Variants in CHD1L observed in about 807,000 individuals in gnomAD.
The protein encoded by CHD1L is ATP-dependent chromatin remodeler CHD1L.
A neutral mutation model predicts 115.9 loss-of-function variants in CHD1L; 118 were observed. The ratio of observed to expected loss-of-function variants is 1.02; its 90% CI spans 0.88 to 1.19. CHD1L has a LOEUF of 1.19. Ranked by LOEUF, CHD1L falls within the 50% of genes most tolerant of loss-of-function variation. The pLI, the probability that CHD1L is intolerant of heterozygous loss-of-function variation, is 0.00. For synonymous variants in CHD1L, 411 were observed against 387.1 expected (o/e 1.06, Z -0.72); for missense variants, 1,179 against 1,065.3 (o/e 1.11, Z -1.49).
the CHD1L span, chr1:147,212,589 T>TGA: frequency 6.6e-7 from 1 of 1,526,586 alleles, no homozygotes; most frequent in Non-Finnish European, 8.9e-7. Flanking sequence ...ATAGATATCA[T>TGA]TTGTCAAGTC....
chr1:147,258,429 A>C (rs1285108214), intron 5 of CHD1L, among the ~76,000 whole-genome samples: 1 of 152,194 alleles, frequency 6.6e-6, no homozygotes, highest in Non-Finnish European at 1.5e-5. Context: ...ATCTGTTTTG[A>C]AAGCTAATTC....
chr1:147,276,970 G>A (rs1678734491), intron 14 of CHD1L, among the ~76,000 whole-genome samples: 1 of 152,190 alleles, frequency 6.6e-6, no homozygotes, highest in African/African-American at 2.4e-5. Context: ...GGCAGCATCA[G>A]TGGGAGAGTC....
intron 12 of CHD1L, among the ~76,000 whole-genome samples, chr1:147,273,894 T>C (rs1362689271): frequency 6.6e-6 from 1 of 152,138 alleles, no homozygotes; most frequent in Admixed American, 6.5e-5. Context: ...CTGTGATGAG[T>C]CATGTTGCCA....
the CHD1L span, chr1:147,201,144 T>TC: frequency 4.4e-5 from 70 of 1,591,506 alleles, 2 homozygotes; most frequent in South Asian, 4.5e-4. Context: ...ATTTGCATGG[T>TC]CACTTACCTT....
intron 1 of CHD1L, among the ~76,000 whole-genome samples, chr1:147,245,000 T>C (rs1188647579): frequency 6.6e-6 from 1 of 152,260 alleles, no homozygotes; most frequent in East Asian, 1.9e-4. Context: ...AATTTAATGT[T>C]TATTTGGTTA....
At chr1:147,288,240 A>T (rs1023677010) in intron 19 of CHD1L, among the ~76,000 whole-genome samples, 8 of 146,874 alleles carry the variant, frequency 5.4e-5, no homozygotes, top group Non-Finnish European at 9.0e-5. Flanking sequence ...TGGGAGGATC[A>T]CTTGAGTCTA....
chr1:147,293,201 G>GAT (rs1213236490), intron 20 of CHD1L, among the ~76,000 whole-genome samples: 1 of 152,126 alleles, frequency 6.6e-6, no homozygotes, highest in Non-Finnish European at 1.5e-5. Context: ...TTCGAACAGA[G>GAT]ATGGAATGAC....
upstream of CHD1L, among the ~76,000 whole-genome samples, chr1:147,238,234 T>C (rs1230894597): frequency 2.0e-5 from 3 of 152,234 alleles, no homozygotes; most frequent in African/African-American, 7.2e-5. Flanking sequence ...AATTCTAACC[T>C]AAGCTCAAAG....
chr1:147,251,216 T>C (rs587769857), intron 1 of CHD1L, among the ~76,000 whole-genome samples: 110 of 152,352 alleles, frequency 7.2e-4, no homozygotes, highest in African/African-American at 2.6e-3. Context: ...GTGTTTCCAG[T>C]TGGCTGATTT....
At chr1:147,194,078 C>T in the CHD1L span, among the ~76,000 whole-genome samples, 18 of 152,142 alleles carry the variant, frequency 1.2e-4, no homozygotes, top group Non-Finnish European at 1.8e-4. Context: ...CCTTCTGTCT[C>T]GTTGATCTGT....
the CHD1L span, among the ~76,000 whole-genome samples, chr1:147,229,770 A>G: frequency 6.6e-6 from 1 of 151,974 alleles, no homozygotes; most frequent in African/African-American, 2.4e-5. Context: ...TCTTTGAAGC[A>G]ATTGTGAATG....
chr1:147,246,089 A>G lies in CHD1L; in HGVS notation c.127+3259A>G, dbSNP rs140219395. Among the ~76,000 whole-genome samples the G allele has an allele frequency of 5.9e-3, 901 of 152,284 alleles. 4 individuals carry two copies. Among genetic ancestry groups the G allele is most frequent in the Non-Finnish European group, 9.3e-3 (636 of 68,030 alleles). On this transcript the variant is annotated intron_variant, in intron 1 of 22. Transcript: ENST00000369258. ...ATTCCTTAACCCCTGGCAACCACTA[A>G]TCTGTTCTCCATTTCTATAATTTTG...
intron 16 of CHD1L, among the ~76,000 whole-genome samples, chr1:147,284,723 T>C (rs6704019): frequency 0.68 from 103,593 of 152,050 alleles, 35,394 homozygotes; most frequent in African/African-American, 0.71. Flanking sequence ...CGATGTCATG[T>C]AGGTGAAAGC....
upstream of CHD1L, among the ~76,000 whole-genome samples, chr1:147,240,096 A>T (rs1664728120): frequency 6.6e-6 from 1 of 152,214 alleles, no homozygotes; most frequent in African/African-American, 2.4e-5. Flanking sequence ...CATTAATCCT[A>T]CCTTGTGGGG....
At chr1:147,174,324 A>G in the CHD1L span, 2 of 152,238 alleles carry the variant, frequency 1.3e-5, no homozygotes, top group Admixed American at 6.5e-5. Flanking sequence ...TTGAAGATAC[A>G]TAATACATTA....
At chr1:147,281,790 T>A (rs1680950087) in intron 15 of CHD1L, among the ~76,000 whole-genome samples, 1 of 151,386 alleles carries the variant, frequency 6.6e-6, no homozygotes, top group African/African-American at 2.4e-5. Context: ...TCTACTTCTT[T>A]AAAAAAATAT....
At chr1:147,285,266 A>G (rs369512982) in intron 16 of CHD1L, 58 bp from the exon 17 acceptor site, 4 of 1,556,938 alleles carry the variant, frequency 2.6e-6, no homozygotes, top group African/African-American at 1.4e-5. Context: ...TGTTAGGGAT[A>G]ATGAAATTCG....
chr1:147,286,604 A>G, intron 18 of CHD1L, 104 bp downstream of exon 18: 1 of 967,572 alleles, frequency 1.0e-6, no homozygotes, highest in East Asian at 2.4e-5. Flanking sequence ...CCAGTGTAGT[A>G]TTGTACAGTC....
chr1:147,294,095 G>A (rs1553973759), intron 21 of CHD1L, among the ~76,000 whole-genome samples: 1 of 152,122 alleles, frequency 6.6e-6, no homozygotes, highest in African/African-American at 2.4e-5. Flanking sequence ...ATTGAGTTTA[G>A]TTTTGTTTCG....
Sources: allele counts gnomAD v4.1 joint callset (sites outside exome capture counted in the v4.1 genomes callset), GRCh38; gene constraint gnomAD v4.1.1; transcripts MANE v1.5; gene names NCBI Gene and HGNC (gene_info 2026-07-23, HGNC 2026-07-21).